USP17L24: variants seen among roughly 807,000 people sequenced by gnomAD.
USP17L24 encodes ubiquitin specific peptidase 17 like family member 24, also known as ubiquitin carboxyl-terminal hydrolase 17-like protein 24.
Position 9,325,323 on chromosome 4 carries a change from T to C in USP17L24, c.159T>C (p.Asp53=), listed in dbSNP as rs145654755. Residue 53 remains aspartate, a synonymous_variant, in exon 1 of 1, where the codon GAT becomes GAC. Transcript: ENST00000504481. ...LSCETRVDLC[D]DLAPVARQLA... ...GTGAGACCCGTGTCGACCTCTGTGA[T>C]GATTTGGCTCCTGTGGCAAGACAGC... 0.28 allele frequency: 38 copies of C among 136 alleles called. No individual in the cohort carries two copies. Among genetic ancestry groups the C allele is most frequent in the Admixed American group, 0.33 (13 of 40 alleles). 0.0% of individuals were successfully genotyped at this position (136 alleles called of 1,614,324 possible).
Sources: allele counts gnomAD v4.1 joint callset, GRCh38; gene constraint gnomAD v4.1.1; transcripts MANE v1.5; gene names NCBI Gene and HGNC (gene_info 2026-07-23, HGNC 2026-07-21).